Variants in CDKL1 observed in about 807,000 individuals in gnomAD.
The protein encoded by CDKL1 is cyclin-dependent kinase-like 1.
In CDKL1, 41 loss-of-function variants were observed where a neutral mutation model predicts 42.0. The ratio of observed to expected loss-of-function variants is 0.98; its 90% confidence interval spans 0.76 to 1.27. CDKL1 has a LOEUF of 1.27. Ranked by LOEUF, CDKL1 falls within the 50% of genes most tolerant of loss-of-function variation. The pLI is 0.00. For synonymous variants in CDKL1, 153 were observed against 158.6 expected (o/e 0.96, Z 0.26); for missense variants, 394 against 428.4 (o/e 0.92, Z 0.71).
At chr14:50,341,557 T>C (rs2033540156) in intron 5 of CDKL1, among the ~76,000 whole-genome samples, 1 of 151,254 alleles carries the variant, frequency 6.6e-6, no homozygotes, top group Non-Finnish European at 1.5e-5. Flanking sequence ...GGTAGGTGGT[T>C]TGCTTCAGCC....
intron 2 of CDKL1, among the ~76,000 whole-genome samples, chr14:50,388,562 CT>C (rs2035155598): frequency 6.6e-6 from 1 of 152,074 alleles, no homozygotes; most frequent in South Asian, 2.1e-4. Flanking sequence ...ACCTTCTGCC[CT>C]TCTGTCTGTG....
intron 2 of CDKL1, among the ~76,000 whole-genome samples, chr14:50,394,140 C>G (rs1051402905): frequency 6.6e-6 from 1 of 152,230 alleles, no homozygotes; most frequent in Non-Finnish European, 1.5e-5. Flanking sequence ...AAAAGAGTAT[C>G]TTTCTGCAAG....
At chr14:50,376,771 C>T (rs1216972329) in intron 2 of CDKL1, among the ~76,000 whole-genome samples, 1 of 152,134 alleles carries the variant, frequency 6.6e-6, no homozygotes, top group Non-Finnish European at 1.5e-5. Context: ...CTGGACACTA[C>T]TGTAAGATCT....
chr14:50,374,585 C>G (rs2034677661), intron 2 of CDKL1, among the ~76,000 whole-genome samples: 2 of 152,038 alleles, frequency 1.3e-5, no homozygotes, highest in African/African-American at 4.8e-5. Context: ...CTAGAATGAC[C>G]CATTAGATTT....
chr14:50,337,131 C>T (rs1194198626), intron 7 of CDKL1, among the ~76,000 whole-genome samples: 1 of 152,118 alleles, frequency 6.6e-6, no homozygotes, highest in African/African-American at 2.4e-5. Flanking sequence ...ACCTCAGCCT[C>T]CCAAGTAGCT....
intron 2 of CDKL1, among the ~76,000 whole-genome samples, chr14:50,381,758 GTTTGT>G (rs1178689817): frequency 1.8e-4 from 1 of 5,686 alleles, no homozygotes; most frequent in African/African-American, 1.5e-3. Context: ...GTGGTTTTTT[GTTTGT>G]TTGTTTGTTT....
At chr14:50,390,462 A>G in intron 2 of CDKL1, 1 of 1,178,136 alleles carries the variant, frequency 8.5e-7, no homozygotes, top group Non-Finnish European at 1.1e-6. Flanking sequence ...CCTTAGTAAT[A>G]CAATTATTCT....
chr14:50,342,287 CAT>C, intron 4 of CDKL1, 65 bp from the exon 5 acceptor site: 2 of 1,530,490 alleles, frequency 1.3e-6, no homozygotes, highest in East Asian at 4.5e-5. Flanking sequence ...AAATGAAACA[CAT>C]GACTATTTAG....
At chr14:50,331,863 C>T in intron 9 of CDKL1, 1 of 683,372 alleles carries the variant, frequency 1.5e-6, no homozygotes, top group Non-Finnish European at 2.4e-6. Context: ...GAAAACAGCT[C>T]CTTTTTTGGA....
intron 6 of CDKL1, among the ~76,000 whole-genome samples, chr14:50,340,670 G>C (rs2033481648): frequency 6.6e-6 from 1 of 152,136 alleles, no homozygotes; most frequent in African/African-American, 2.4e-5. Context: ...ACATCCAAAT[G>C]GATTACCCCA....
At chr14:50,377,550 C>G (rs1842042404) in intron 2 of CDKL1, 2 of 1,320,342 alleles carry the variant, frequency 1.5e-6, no homozygotes, top group South Asian at 2.5e-5. Context: ...CCTGAAGTGG[C>G]CTTAGCTAGC....
intron 9 of CDKL1, 70 bp downstream of exon 9, chr14:50,332,192 T>G (rs1018730228): frequency 1.2e-6 from 2 of 1,614,180 alleles, no homozygotes; most frequent in Non-Finnish European, 1.7e-6. Context: ...AAGCCACAAC[T>G]GCCATCCTCA....
intron 9 of CDKL1, 109 bp downstream of exon 9, chr14:50,332,153 T>C (rs1566569496): frequency 6.2e-7 from 1 of 1,613,336 alleles, no homozygotes; most frequent in Non-Finnish European, 8.5e-7. Flanking sequence ...ACCTGTCTCC[T>C]AGTGCTGGAA....
intron 7 of CDKL1, among the ~76,000 whole-genome samples, chr14:50,338,627 T>C (rs1412441887): frequency 6.6e-6 from 1 of 152,088 alleles, no homozygotes; most frequent in Non-Finnish European, 1.5e-5. Flanking sequence ...CTAGTTAACT[T>C]TACCTTGATA....
At position 50,329,716 on chromosome 14, in the gene CDKL1, G is replaced by T; in HGVS notation, c.*358C>A. ...GAGGAAATATATATGGGCATTTTGT[G>T]GTTCATTTTTCTTGTGTGGCATGTG... On this transcript the variant is annotated 3_prime_UTR_variant, in exon 10 of 10. Transcript: ENST00000395834. 5.4e-6 allele frequency: 1 copy of T among 184,078 alleles called. No individual in the cohort carries two copies. The highest frequency in any genetic ancestry group is 1.1e-5 in the Non-Finnish European group (1 of 88,746). 11.4% of individuals were successfully genotyped at this position (184,078 alleles called of 1,614,324 possible).
rs1394293897 is a variant in CDKL1 at position 50,329,544 on chromosome 14, C to T, written c.*530G>A. 1 of 152,414 alleles carries T rather than the reference C, an allele frequency of 6.6e-6. No homozygotes were observed. The highest frequency in any genetic ancestry group is 2.4e-5 in the African/African-American group (1 of 41,396). The allele number at this position is 152,414 out of a possible 1,614,324, so 9.4% of individuals were successfully genotyped here. On this transcript the variant is annotated 3_prime_UTR_variant, in exon 10 of 10. Coordinates refer to ENST00000395834, the MANE Select transcript of CDKL1 (RefSeq NM_004196.7). ...ATATTTTGAACCTAAGTGTTACCCTCAAAATGTTTTAAAATATAAAAATCA... is the reference window on the plus strand; with the variant it reads ...ATATTTTGAACCTAAGTGTTACCCTTAAAATGTTTTAAAATATAAAAATCA...
intron 2 of CDKL1, among the ~76,000 whole-genome samples, chr14:50,385,370 T>C (rs1050869217): frequency 1.3e-5 from 2 of 152,190 alleles, no homozygotes; most frequent in Non-Finnish European, 1.5e-5. Context: ...ATCAAATCAT[T>C]TGGAAACAGC....
rs753317805 is a variant in CDKL1 at position 50,341,262 on chromosome 14, C to G, written c.455-30G>C. 4 of 1,559,746 alleles carry G rather than the reference C, an allele frequency of 2.6e-6. No individual in the cohort carries two copies. The South Asian group carries it at 4.8e-5, about 19-fold the overall frequency. On this transcript the variant is annotated intron_variant, in intron 5 of 9. Transcript: ENST00000395834. ...CCAGTGATGGAACATGGAAAACAAA[C>G]AGCAGCGGAAGGCTGGAATCAAAAC...
At chr14:50,357,405 A>C (rs541279773) in intron 3 of CDKL1, 2 of 152,226 alleles carry the variant, frequency 1.3e-5, no homozygotes, top group African/African-American at 4.8e-5. Flanking sequence ...CAGCCACTGA[A>C]GTGTGAATGG....
Sources: gnomAD v4.1 joint callset for allele counts (sites outside exome capture counted in the v4.1 genomes callset) on GRCh38, gnomAD v4.1.1 for gene constraint, MANE v1.5 for transcripts, NCBI Gene and HGNC (gene_info 2026-07-23, HGNC 2026-07-21) for gene names.